Variants in ABCA13 observed in about 807,000 individuals in gnomAD.
ABCA13 encodes the protein ATP-binding cassette sub-family A member 13.
ABCA13 carries 476 observed loss-of-function variants against 478.7 expected under a neutral mutation model. The ratio of observed to expected loss-of-function variants is 0.99; its 90% confidence interval spans 0.92 to 1.07. The LOEUF is 1.07. ABCA13 is among the 50% of genes least tolerant of loss of function. The pLI, the probability that ABCA13 is intolerant of heterozygous loss-of-function variation, is 0.00. For synonymous variants in ABCA13, 2,252 were observed against 2,158.9 expected, an observed-to-expected ratio of 1.04 and a Z score of -1.20; for missense variants, 6,060 against 5,910.6, an observed-to-expected ratio of 1.03 and a Z score of -0.83.
chr7:48,550,339 C>T (rs545818235), intron 55 of ABCA13, among the ~76,000 whole-genome samples: 2 of 151,566 alleles, frequency 1.3e-5, no homozygotes, highest in South Asian at 4.2e-4. Flanking sequence ...TCATTGCAAC[C>T]TCTCCCCAAC....
intron 41 of ABCA13, among the ~76,000 whole-genome samples, chr7:48,416,664 AG>A (rs1440103923): frequency 3.9e-5 from 6 of 152,216 alleles, no homozygotes; most frequent in African/African-American, 1.4e-4. Flanking sequence ...CCCGGGACCA[AG>A]GGAAGCCTCC....
chr7:48,303,125 A>T (rs1050315182), intron 23 of ABCA13, among the ~76,000 whole-genome samples: 3 of 152,060 alleles, frequency 2.0e-5, no homozygotes, highest in Non-Finnish European at 2.9e-5. Context: ...TGTTGGCTGC[A>T]TGTATGTTTT....
Position 48,279,891 on chromosome 7 carries a change from C to T in ABCA13, c.8697C>T (p.Tyr2899=), listed in dbSNP as rs1229220731. Residue 2899 remains tyrosine (Y), a synonymous_variant, in exon 18 of 62, where the codon TAC becomes TAT. Coordinates refer to ENST00000435803, the MANE Select transcript of ABCA13 (RefSeq NM_152701.5). The stretch of plus-strand genomic sequence containing the variant: ...GAGGATTATTTGTATTGACTAAATA[C>T]TGGCAACAAATCCCACTAACAGATC... ...YLGGLFVLTK[Y]WQQIPLTDQS... is the part of the protein sequence containing the mutation. 6.6e-7 allele frequency: 1 copy of T among 1,526,584 alleles called. No homozygotes were observed. Among genetic ancestry groups the T allele is most frequent in the Non-Finnish European group, 8.8e-7 (1 of 1,142,320 alleles). 94.6% of individuals were successfully genotyped at this position (1,526,584 alleles called of 1,614,324 possible).
chr7:48,248,353 T>G lies in ABCA13; in HGVS notation c.1774T>G (p.Cys592Gly). ...GCAGCTGTCAGAAGCAAGCCTTTCC[T>G]GTACTCGGCTCTTCCTGCTGCTGGG... ...EMQLSEASLS[C>G]TRLFLLLGAD... The change falls in exon 14 of 62, where the codon TGT (cysteine) becomes GGT (glycine). Residue 592 changes from cysteine (C) to glycine (G), a missense_variant. This residue lies in a region of ABCA13 where 4,423 missense variants were observed against 4,309.1 expected (regional missense o/e 1.03). Coordinates refer to ENST00000435803, the MANE Select transcript of ABCA13 (RefSeq NM_152701.5). 1 of 1,613,838 alleles carries G rather than the reference T, an allele frequency of 6.2e-7. No individual in the cohort carries two copies. Among genetic ancestry groups the G allele is most frequent in the Non-Finnish European group, 8.5e-7 (1 of 1,179,762 alleles).
intron 55 of ABCA13, among the ~76,000 whole-genome samples, chr7:48,528,586 C>T (rs78914096): frequency 3.9e-5 from 6 of 152,258 alleles, no homozygotes; most frequent in African/African-American, 1.2e-4. Flanking sequence ...CAAAGGCAGA[C>T]GTCCCTGGGA....
At chr7:48,180,720 C>T (rs959227528) in intron 1 of ABCA13, among the ~76,000 whole-genome samples, 5 of 152,240 alleles carry the variant, frequency 3.3e-5, no homozygotes, top group South Asian at 4.1e-4. Context: ...AGCCACCATG[C>T]GTGGCCGATG....
chr7:48,446,756 A>G (rs919096955), intron 42 of ABCA13, among the ~76,000 whole-genome samples: 1 of 152,162 alleles, frequency 6.6e-6, no homozygotes, highest in Non-Finnish European at 1.5e-5. Flanking sequence ...TTCTTTAACC[A>G]AATTTCCTCA....
intron 23 of ABCA13, among the ~76,000 whole-genome samples, chr7:48,299,236 G>A (rs991760545): frequency 6.6e-6 from 1 of 152,150 alleles, no homozygotes; most frequent in Non-Finnish European, 1.5e-5. Context: ...GAGCTGACTC[G>A]TAAGTGAACG....
In ABCA13 at chr7:48,278,842, G is replaced by A; in HGVS notation, c.7648G>A (p.Asp2550Asn). ...AACTCATTTTATCTCCAATACCAAGGACAGTGTGAAATTCTTTGACACTCT... is the reference window on the plus strand; with the variant it reads ...AACTCATTTTATCTCCAATACCAAGAACAGTGTGAAATTCTTTGACACTCT... Reference protein sequence around the residue: ...FKTHFISNTKDSVKFFDTLYS... With the variant: ...FKTHFISNTKNSVKFFDTLYS... Residue 2550 changes from aspartate (D) to asparagine (N), a missense_variant, in exon 18 of 62, where the codon GAC (aspartate) becomes AAC (asparagine). This residue lies in a region of ABCA13 where 4,423 missense variants were observed against 4,309.1 expected (regional missense o/e 1.03). Transcript: ENST00000435803. 6.2e-7 allele frequency: 1 copy of A among 1,613,528 alleles called. No individual in the cohort carries two copies.
At chr7:48,448,929 A>G (rs1824637108) in intron 42 of ABCA13, among the ~76,000 whole-genome samples, 1 of 151,842 alleles carries the variant, frequency 6.6e-6, no homozygotes, top group African/African-American at 2.4e-5. Flanking sequence ...GGTAACCTCT[A>G]CCTCCCAGGT....
chr7:48,338,450 C>A lies in ABCA13; in HGVS notation c.10199C>A (p.Thr3400Lys). ...GACAAACTTACTGAAAAACTCCAGA[C>A]ATACGGTAAGTGTGCTGATGGGCAT... is the stretch of plus-strand genomic sequence containing the variant. ...DVDKLTEKLQ[T>K]YGGLLDEMFN... is the part of the protein sequence containing the mutation. The change falls in exon 29 of 62, where the codon ACA (threonine) becomes AAA (lysine). Residue 3400 changes from threonine (T) to lysine (K), a missense_variant. Physicochemically the swap from Thr to Lys is moderately conservative, Grantham distance 78. Around this residue, in one of 3 missense-constraint regions of ABCA13, gnomAD observed 4,423 missense variants for 4,309.1 expected, o/e 1.03. Coordinates refer to ENST00000435803, the MANE Select transcript of ABCA13 (RefSeq NM_152701.5). The A allele has an allele frequency of 6.3e-7, 1 of 1,588,406 alleles. No homozygotes were observed. Among genetic ancestry groups the A allele is most frequent in the Non-Finnish European group, 8.6e-7 (1 of 1,166,366 alleles).
At chr7:48,326,734 C>T (rs1202744643) in intron 27 of ABCA13, among the ~76,000 whole-genome samples, 1 of 152,142 alleles carries the variant, frequency 6.6e-6, no homozygotes, top group Non-Finnish European at 1.5e-5. Context: ...ACTGTATTCT[C>T]CAAGTAGAAA....
At chr7:48,573,936 AG>A (rs1032277141) in intron 55 of ABCA13, among the ~76,000 whole-genome samples, 17 of 151,880 alleles carry the variant, frequency 1.1e-4, no homozygotes, top group African/African-American at 3.9e-4. Context: ...GTGTTTATAT[AG>A]TCTTCCCTCT....
intron 7 of ABCA13, among the ~76,000 whole-genome samples, chr7:48,231,257 A>G (rs1422076176): frequency 1.3e-5 from 2 of 152,180 alleles, no homozygotes; most frequent in Admixed American, 1.3e-4. Context: ...ACAAACAAAC[A>G]AACAAACAAA....
At chr7:48,180,933 C>T (rs1795610244) in intron 1 of ABCA13, among the ~76,000 whole-genome samples, 1 of 152,086 alleles carries the variant, frequency 6.6e-6, no homozygotes, top group South Asian at 2.1e-4. Flanking sequence ...AACAAACAAA[C>T]AAACAAACAA....
intron 31 of ABCA13, among the ~76,000 whole-genome samples, chr7:48,363,436 C>A (rs1811193554): frequency 6.6e-6 from 1 of 151,958 alleles, no homozygotes. Context: ...CATTCTAGGA[C>A]AATTTTCTAT....
intron 55 of ABCA13, among the ~76,000 whole-genome samples, chr7:48,570,288 A>G (rs970426474): frequency 7.3e-6 from 1 of 137,714 alleles, no homozygotes; most frequent in Admixed American, 7.1e-5. Context: ...TCTTTTGGAT[A>G]CTGATTTCAT....
intron 55 of ABCA13, among the ~76,000 whole-genome samples, chr7:48,541,636 C>A (rs1833945650): frequency 6.7e-6 from 1 of 150,082 alleles, no homozygotes; most frequent in Non-Finnish European, 1.5e-5. Flanking sequence ...TTCCTATCCA[C>A]CCTTTGACTA....
intron 61 of ABCA13, among the ~76,000 whole-genome samples, chr7:48,645,096 G>A (rs1353124822): frequency 1.3e-5 from 2 of 151,926 alleles, no homozygotes; most frequent in Non-Finnish European, 2.9e-5. Context: ...GCTAACTTCT[G>A]GGGAAACAAA....
Sources: gnomAD v4.1 joint callset for allele counts (sites outside exome capture counted in the v4.1 genomes callset) on GRCh38, gnomAD v4.1.1 for gene constraint, gnomAD v4.1.1 regional missense constraint, MANE v1.5 for transcripts, NCBI Gene and HGNC (gene_info 2026-07-23, HGNC 2026-07-21) for gene names.